Variants in MAGI2 observed in about 807,000 individuals in gnomAD.
MAGI2 encodes membrane-associated guanylate kinase, WW and PDZ domain-containing protein 2.
Under a neutral mutation model 133.3 loss-of-function variants are expected in MAGI2, and 35 were observed. The ratio of observed to expected loss-of-function variants is 0.26; its 90% CI spans 0.20 to 0.35. MAGI2 has a LOEUF of 0.35. Ranked by LOEUF, MAGI2 falls within the 10% of genes least tolerant of loss-of-function variation. MAGI2 has a pLI of 1.00. For synonymous variants in MAGI2, 729 were observed against 710.6 expected (o/e 1.03, Z -0.41); for missense variants, 1,636 against 1,863.4 (o/e 0.88, Z 2.25).
intron 2 of MAGI2, among the ~76,000 whole-genome samples, chr7:78,810,561 C>A (rs1788959963): frequency 6.6e-6 from 1 of 152,016 alleles, no homozygotes; most frequent in African/African-American, 2.4e-5. Flanking sequence ...GATAGCTGAA[C>A]TCTTTTTTGT....
chr7:78,879,693 G>A (rs1795696007), intron 2 of MAGI2, among the ~76,000 whole-genome samples: 1 of 152,012 alleles, frequency 6.6e-6, no homozygotes, highest in Non-Finnish European at 1.5e-5. Flanking sequence ...ATTGTGACAT[G>A]ACCAAAGGAT....
In MAGI2 at chr7:78,787,167, C is replaced by T. The variant is rs141146653; in HGVS notation, c.419-159928G>A. ...TTCACCATGTTGGCCAGGCTGGTCT[C>T]GATCTCCTGACCTCATGATCTGCCC... On this transcript the variant is annotated intron_variant, in intron 2 of 21. Transcript: ENST00000354212. Among the ~76,000 whole-genome samples the T allele has an allele frequency of 5.7e-3, 874 of 152,142 alleles. 15 individuals are homozygous for T. The highest frequency in any genetic ancestry group is 0.02 in the African/African-American group (817 of 41,514).
intron 1 of MAGI2, among the ~76,000 whole-genome samples, chr7:79,022,099 C>CT (rs1475332894): frequency 6.6e-6 from 1 of 152,146 alleles, no homozygotes; most frequent in Non-Finnish European, 1.5e-5. Flanking sequence ...CCATGTGGAA[C>CT]TTTGAGTCAA....
At chr7:78,202,213 A>G (rs1829315411) in intron 10 of MAGI2, among the ~76,000 whole-genome samples, 1 of 151,760 alleles carries the variant, frequency 6.6e-6, no homozygotes, top group Non-Finnish European at 1.5e-5. Context: ...TTTAAAACAG[A>G]CTTGTTCAAA....
At position 79,347,587 on chromosome 7, in the gene MAGI2, C is replaced by T. The variant is rs370124810; in HGVS notation, c.301+105433G>A. ...GGTCTTCTTCTCTTGTCACTTTCAT[C>T]TTATACTTCTTCCTTGAGCTCCGTT... On this transcript the variant is annotated intron_variant, in intron 1 of 21. Transcript: ENST00000354212. Among the ~76,000 whole-genome samples the T allele has an allele frequency of 5.3e-5, 8 of 151,822 alleles. No individual in the cohort carries two copies. The East Asian group carries it at 1.5e-3, about 29-fold the overall frequency.
chr7:78,364,218 TTA>T (rs933295643), intron 7 of MAGI2, among the ~76,000 whole-genome samples: 5 of 152,238 alleles, frequency 3.3e-5, no homozygotes, highest in Non-Finnish European at 5.9e-5. Context: ...GGGTATTCTT[TTA>T]TGTTTATTTC....
chr7:79,453,586 G>A lies in MAGI2; in HGVS notation c.-266C>T. Reference sequence around the variant, plus strand: ...TGACACTCAAGGCTGTGGCCCCGCAGCAGAGGAAGCAGTGGTGGTGGCGTC... The same window carrying A: ...TGACACTCAAGGCTGTGGCCCCGCAACAGAGGAAGCAGTGGTGGTGGCGTC... On this transcript the variant is annotated 5_prime_UTR_variant, in exon 1 of 22. Transcript: ENST00000354212. 5 of 1,162,242 alleles carry A rather than the reference G, an allele frequency of 4.3e-6. No individual in the cohort carries two copies. The highest frequency in any genetic ancestry group is 5.3e-6 in the Non-Finnish European group (5 of 943,656). The allele number at this position is 1,162,242 out of a possible 1,614,324, so 72.0% of individuals were successfully genotyped here. A position where few individuals can be genotyped will look rare whatever the true frequency, so the allele number is the denominator to read the frequency against.
chr7:79,138,780 C>T (rs929831908), intron 1 of MAGI2, among the ~76,000 whole-genome samples: 15 of 151,906 alleles, frequency 9.9e-5, no homozygotes, highest in Admixed American at 6.6e-4. Flanking sequence ...CCAAGGCGGG[C>T]GGATCACGAG....
At chr7:78,610,437 C>A (rs981233389) in intron 3 of MAGI2, among the ~76,000 whole-genome samples, 1 of 152,116 alleles carries the variant, frequency 6.6e-6, no homozygotes, top group East Asian at 1.9e-4. Flanking sequence ...CTTGGCTTTA[C>A]AGGGAACACA....
intron 2 of MAGI2, among the ~76,000 whole-genome samples, chr7:78,979,933 TCAA>T (rs2116154595): frequency 6.6e-6 from 1 of 152,052 alleles, no homozygotes; most frequent in South Asian, 2.1e-4. Context: ...TCATAACACT[TCAA>T]TAACCCTTTT....
At chr7:78,360,133 G>T (rs1172896554) in intron 7 of MAGI2, among the ~76,000 whole-genome samples, 1 of 152,162 alleles carries the variant, frequency 6.6e-6, no homozygotes, top group African/African-American at 2.4e-5. Context: ...GATGCCCAAA[G>T]AATAATATCA....
At chr7:78,768,338 A>C (rs1825235470) in intron 2 of MAGI2, among the ~76,000 whole-genome samples, 1 of 152,196 alleles carries the variant, frequency 6.6e-6, no homozygotes, top group Non-Finnish European at 1.5e-5. Flanking sequence ...TAATTGCATC[A>C]ATTTCCCCAA....
intron 1 of MAGI2, among the ~76,000 whole-genome samples, chr7:79,378,121 T>A (rs1246036479): frequency 1.3e-5 from 2 of 151,802 alleles, no homozygotes; most frequent in African/African-American, 4.8e-5. Flanking sequence ...CCAGCTGTGA[T>A]GTAAATATGG....
rs565000855 is a variant in MAGI2, at chr7:78,911,650, A to C, written c.418+95440T>G. 1.9e-4 allele frequency among the ~76,000 whole-genome samples: 24 copies of C among 127,170 alleles called. No homozygotes were observed. The South Asian group carries it at 2.4e-3, about 13-fold the overall frequency. 83.4% of individuals were successfully genotyped at this position (127,170 alleles called of 152,430 possible). On this transcript the variant is annotated intron_variant, in intron 2 of 21. Transcript: ENST00000354212. ...AGGCAGTATCTAAATTTTAAATTAT[A>C]AAAAATTATGTGTGTATATATATAT... is the stretch of plus-strand genomic sequence containing the variant.
intron 1 of MAGI2, among the ~76,000 whole-genome samples, chr7:79,393,674 G>A: frequency 6.6e-6 from 1 of 152,062 alleles, no homozygotes; most frequent in Admixed American, 6.6e-5. Context: ...AAATCCCACA[G>A]GTATTACTTG....
At chr7:79,234,959 C>T (rs1465205076) in intron 1 of MAGI2, among the ~76,000 whole-genome samples, 2 of 151,928 alleles carry the variant, frequency 1.3e-5, no homozygotes, top group East Asian at 3.9e-4. Flanking sequence ...TGGTGATGTA[C>T]AGATGGGTTT....
At chr7:78,329,345 G>A (rs1788932244) in intron 9 of MAGI2, among the ~76,000 whole-genome samples, 1 of 152,160 alleles carries the variant, frequency 6.6e-6, no homozygotes, top group African/African-American at 2.4e-5. Flanking sequence ...CTTCAATGAA[G>A]TCTCTTTATT....
At chr7:79,041,817 A>C (rs1375501318) in intron 1 of MAGI2, among the ~76,000 whole-genome samples, 1 of 152,154 alleles carries the variant, frequency 6.6e-6, no homozygotes, top group Admixed American at 6.5e-5. Flanking sequence ...TAACAAAACT[A>C]AAGCCTCAAC....
chr7:78,415,003 A>G (rs1281307799), intron 6 of MAGI2, among the ~76,000 whole-genome samples: 1 of 152,104 alleles, frequency 6.6e-6, no homozygotes, highest in Non-Finnish European at 1.5e-5. Flanking sequence ...ACAAGGATGG[A>G]GCTATACAAT....
Sources: gnomAD v4.1 joint callset for allele counts (sites outside exome capture counted in the v4.1 genomes callset) on GRCh38, gnomAD v4.1.1 for gene constraint, MANE v1.5 for transcripts, NCBI Gene and HGNC (gene_info 2026-07-23, HGNC 2026-07-21) for gene names.